Variants in CNTN5 observed in about 807,000 individuals in gnomAD.
The protein encoded by CNTN5 is contactin 5.
A neutral mutation model predicts 129.1 loss-of-function variants in CNTN5; 77 were observed. The observed-to-expected ratio is 0.60, with a 90% CI of 0.50 to 0.72. The LOEUF (loss-of-function observed/expected upper bound fraction) is 0.72, where lower values mean the gene tolerates loss of function less well. Ranked by LOEUF, CNTN5 falls within the 30% of genes least tolerant of loss-of-function variation. The pLI, the probability that CNTN5 is intolerant of heterozygous loss-of-function variation, is 0.00. For synonymous variants in CNTN5, 509 were observed against 465.6 expected (o/e 1.09, Z -1.20); for missense variants, 1,478 against 1,328.8 (o/e 1.11, Z -1.75).
At chr11:99,939,735 A>C (rs541587991) in intron 7 of CNTN5, among the ~76,000 whole-genome samples, 2 of 152,248 alleles carry the variant, frequency 1.3e-5, no homozygotes, top group South Asian at 4.1e-4. Context: ...CCATTAGATC[A>C]AAGGTAAATA....
rs574759061 is a variant in CNTN5, at chr11:100,220,673, C to T, written c.1885-4019C>T. Among the ~76,000 whole-genome samples, 15 of 152,208 alleles carry T rather than the reference C, an allele frequency of 9.9e-5. No individual in the cohort carries two copies. In the East Asian group the frequency reaches 2.9e-3, roughly 29 times the overall value. On this transcript the variant is annotated intron_variant, in intron 15 of 24. Transcript: ENST00000524871. ...ATTTTATCAGACACTTACTATATGC[C>T]AGACACACTGCTATGGGCTTTACTC...
chr11:99,842,751 C>A (rs1405599778), intron 4 of CNTN5, among the ~76,000 whole-genome samples: 1 of 151,960 alleles, frequency 6.6e-6, no homozygotes, highest in Non-Finnish European at 1.5e-5. Flanking sequence ...TAGAAGTTTT[C>A]CAATTTTTTA....
At chr11:100,324,466 C>T (rs2138969585) in intron 21 of CNTN5, among the ~76,000 whole-genome samples, 1 of 152,230 alleles carries the variant, frequency 6.6e-6, no homozygotes, top group Non-Finnish European at 1.5e-5. Flanking sequence ...CTATAATAAT[C>T]AAAAGGACTT....
chr11:99,878,918 A>C (rs925705598), intron 6 of CNTN5, among the ~76,000 whole-genome samples: 1 of 152,052 alleles, frequency 6.6e-6, no homozygotes, highest in Non-Finnish European at 1.5e-5. Flanking sequence ...TGGTGAAGAT[A>C]CATGTTTTGT....
intron 1 of CNTN5, among the ~76,000 whole-genome samples, chr11:99,311,277 A>G (rs1428292956): frequency 6.6e-6 from 1 of 152,158 alleles, no homozygotes; most frequent in African/African-American, 2.4e-5. Context: ...CCACTGGGTC[A>G]TGATGTATTT....
chr11:99,270,545 C>CT (rs1412592135), intron 1 of CNTN5, among the ~76,000 whole-genome samples: 13 of 151,924 alleles, frequency 8.6e-5, no homozygotes, highest in Non-Finnish European at 1.5e-4. Flanking sequence ...ATGAATGAGT[C>CT]TTTTTTCTCG....
intron 8 of CNTN5, among the ~76,000 whole-genome samples, chr11:99,994,116 A>C (rs1010947899): frequency 6.6e-6 from 1 of 152,024 alleles, no homozygotes; most frequent in African/African-American, 2.4e-5. Flanking sequence ...TTACCCCCCA[A>C]ATACTATCAG....
At chr11:99,499,094 A>G (rs1946334768) in intron 2 of CNTN5, among the ~76,000 whole-genome samples, 1 of 152,108 alleles carries the variant, frequency 6.6e-6, no homozygotes, top group African/African-American at 2.4e-5. Flanking sequence ...GATAGAAGAT[A>G]TTTTTGGTCA....
chr11:99,951,958 A>G (rs1274373751), intron 7 of CNTN5, among the ~76,000 whole-genome samples: 2 of 152,226 alleles, frequency 1.3e-5, no homozygotes, highest in Non-Finnish European at 2.9e-5. Flanking sequence ...CCAAATATTT[A>G]TGGAGCAACT....
chr11:100,061,131 A>G (rs1943457040), intron 9 of CNTN5, 81 bp from the exon 10 acceptor site: 2 of 1,141,388 alleles, frequency 1.8e-6, no homozygotes, highest in South Asian at 3.8e-5. Context: ...CAGCCTATTA[A>G]GTGCTTAAAT....
rs143562877 is a variant in CNTN5, at chr11:100,052,066, C to T, written c.981-9146C>T. On this transcript the variant is annotated intron_variant, in intron 9 of 24. Coordinates refer to ENST00000524871, the MANE Select transcript of CNTN5 (RefSeq NM_014361.4). ...AACTTGGATTTATCTCAGGAATGTA[C>T]AGTGTTTTAACTATTAAAAAGCAAT... 2.7e-3 allele frequency among the ~76,000 whole-genome samples: 412 copies of T among 151,926 alleles called. 1 individual carries two copies. Among genetic ancestry groups the T allele is most frequent in the African/African-American group, 9.4e-3 (392 of 41,520 alleles).
intron 6 of CNTN5, among the ~76,000 whole-genome samples, chr11:99,886,451 T>C (rs1304352910): frequency 6.6e-6 from 1 of 152,132 alleles, no homozygotes; most frequent in African/African-American, 2.4e-5. Flanking sequence ...ACCTAATAAA[T>C]AGAAAGATTC....
intron 6 of CNTN5, 115 bp from the exon 7 acceptor site, chr11:99,915,939 A>G (rs1166469476): frequency 6.6e-6 from 5 of 760,840 alleles, no homozygotes; most frequent in Non-Finnish European, 1.1e-5. Flanking sequence ...GTCACTGATT[A>G]ACAAACAAAA....
intron 3 of CNTN5, among the ~76,000 whole-genome samples, chr11:99,722,798 A>G (rs1006321993): frequency 1.3e-5 from 2 of 151,714 alleles, no homozygotes; most frequent in Non-Finnish European, 2.9e-5. Context: ...ATATGGGGAG[A>G]TATAGCCCAT....
chr11:99,937,201 C>T lies in CNTN5; in HGVS notation c.674-19605C>T, dbSNP rs17134711. Among the ~76,000 whole-genome samples the T allele has an allele frequency of 5.9e-3, 900 of 152,222 alleles. 8 individuals carry two copies. Among genetic ancestry groups the T allele is most frequent in the African/African-American group, 0.02 (839 of 41,538 alleles). On this transcript the variant is annotated intron_variant, in intron 7 of 24. Coordinates refer to ENST00000524871, the MANE Select transcript of CNTN5 (RefSeq NM_014361.4). Reference sequence around the variant, plus strand: ...TCTTTAGAGCATAAAATATAGTAAGCGGTGTAACTGTAATTAGAATATGCC... The same window carrying T: ...TCTTTAGAGCATAAAATATAGTAAGTGGTGTAACTGTAATTAGAATATGCC...
chr11:100,133,688 C>G (rs976514133), intron 13 of CNTN5, among the ~76,000 whole-genome samples: 1 of 152,220 alleles, frequency 6.6e-6, no homozygotes, highest in South Asian at 2.1e-4. Flanking sequence ...TTGAGCTGCT[C>G]TCTGTTCTCA....
At chr11:99,240,296 G>A (rs1239638181) in intron 1 of CNTN5, among the ~76,000 whole-genome samples, 2 of 152,172 alleles carry the variant, frequency 1.3e-5, no homozygotes, top group Admixed American at 6.5e-5. Context: ...TCTATTCAGT[G>A]TGTGCAAGGG....
chr11:99,153,772 C>T (rs1860188553), intron 1 of CNTN5, among the ~76,000 whole-genome samples: 2 of 149,042 alleles, frequency 1.3e-5, no homozygotes, highest in African/African-American at 4.9e-5. Context: ...CTCTATGTGG[C>T]CTGATGTTCC....
intron 13 of CNTN5, among the ~76,000 whole-genome samples, chr11:100,129,837 G>T (rs1409959586): frequency 7.0e-6 from 1 of 143,318 alleles, no homozygotes; most frequent in African/African-American, 2.6e-5. Context: ...TTGTGTGTGT[G>T]TTTGTGTGTG....
Sources: allele counts gnomAD v4.1 joint callset (sites outside exome capture counted in the v4.1 genomes callset), GRCh38; gene constraint gnomAD v4.1.1; transcripts MANE v1.5; gene names NCBI Gene and HGNC (gene_info 2026-07-23, HGNC 2026-07-21).